ADGRG4: variants seen among roughly 807,000 people sequenced by gnomAD.
ADGRG4 encodes G protein-coupled receptor 112.
In ADGRG4, 122 loss-of-function variants were observed where a neutral mutation model predicts 126.2. That is an observed-to-expected ratio of 0.97 (90% CI 0.83 to 1.12). The LOEUF (loss-of-function observed/expected upper bound fraction) is 1.12. Ranked by LOEUF, ADGRG4 falls within the 50% of genes most tolerant of loss-of-function variation. The probability of loss-of-function intolerance (pLI) is 0.00; values close to 1 mark genes in which losing one functional copy is unlikely to be tolerated. For synonymous variants in ADGRG4, 943 were observed against 838.7 expected (o/e 1.12, Z -2.15); for missense variants, 2,481 against 2,251.8 (o/e 1.10, Z -2.06).
intron 8 of ADGRG4, among the ~76,000 whole-genome samples, chrX:136,354,590 G>A (rs376836966): frequency 2.7e-5 from 3 of 111,093 alleles, no homozygotes; most frequent in East Asian, 5.7e-4. Flanking sequence ...CTATTCTGGT[G>A]TTATCCTCTC....
In ADGRG4 at chrX:136,345,828, T is replaced by G; in HGVS notation, c.2122T>G (p.Ser708Ala). 8 of 1,210,420 alleles carry G rather than the reference T, an allele frequency of 6.6e-6. No individual in the cohort carries two copies. The highest frequency in any genetic ancestry group is 8.9e-6 in the Non-Finnish European group (8 of 894,576). Reference protein sequence around the residue: ...ATTNITPLKASPEGKGTTAND... With the variant: ...ATTNITPLKAAPEGKGTTAND... ...TACCAATATCACCCCACTGAAAGCA[T>G]CTCCAGAGGGCAAAGGTACCACTGC... Residue 708 changes from serine to alanine, a missense_variant, in exon 6 of 26, where the codon TCT (serine) becomes GCT (alanine). By Grantham distance (99) the Ser-to-Ala change is moderately conservative (BLOSUM62 1). Transcript: ENST00000394143.
At chrX:136,394,477 G>A (rs1428296669) in intron 18 of ADGRG4, among the ~76,000 whole-genome samples, 2 of 111,433 alleles carry the variant, frequency 1.8e-5, no homozygotes, top group Non-Finnish European at 3.8e-5. Context: ...CTTCCCATTC[G>A]GCTCCCTAGA....
chrX:136,405,551 G>A lies in ADGRG4; in HGVS notation c.8655-141G>A, dbSNP rs750854315. On this transcript the variant is annotated intron_variant, in intron 22 of 25. Transcript: ENST00000394143. ...TTTGTCCCAGCTCTGCCTCCAGTTG[G>A]TATGAGTGAACTCTGTCCAGTTCAT... The A allele has an allele frequency of 3.4e-5, 13 of 383,774 alleles. No homozygotes were observed. The Middle Eastern group carries it at 3.9e-3, about 114-fold the overall frequency. 31.6% of individuals were successfully genotyped at this position (383,774 alleles called of 1,213,427 possible). A position where few individuals can be genotyped will look rare whatever the true frequency, so the allele number is the denominator to read the frequency against.
Position 136,348,708 on chromosome X carries a change from G to A in ADGRG4, c.5002G>A (p.Val1668Met), listed in dbSNP as rs768396370. 25 of 1,207,752 alleles carry A rather than the reference G, an allele frequency of 2.1e-5. No individual in the cohort carries two copies. In the South Asian group the frequency reaches 4.2e-4, roughly 20 times the overall value. The stretch of plus-strand genomic sequence containing the variant: ...TCCCACCACCATTATGGCTGGGATA[G>A]TGACTCCATTTGTAGGCACCACTGC... Reference protein sequence around the residue: ...TVPTTIMAGIVTPFVGTTAFS... With the variant: ...TVPTTIMAGIMTPFVGTTAFS... The change falls in exon 6 of 26, where the codon GTG becomes ATG. Residue 1668 changes from valine to methionine, a missense_variant. By Grantham distance (21) the Val-to-Met change is conservative. Coordinates refer to ENST00000394143, the MANE Select transcript of ADGRG4 (RefSeq NM_153834.4).
Position 136,382,111 on chromosome X carries a change from C to T in ADGRG4, c.7777-5629C>T, listed in dbSNP as rs555281175. ...ACACTCAGTATTAACCATCACAAGT[C>T]CATCCCTTTTCAAGTTGAACCCATA... On this transcript the variant is annotated intron_variant, in intron 15 of 25. Transcript: ENST00000394143. Among the ~76,000 whole-genome samples the T allele has an allele frequency of 4.5e-5, 5 of 111,203 alleles. No homozygotes were observed. The South Asian group carries it at 1.9e-3, about 43-fold the overall frequency.
chrX:136,353,746 G>T lies in ADGRG4; in HGVS notation c.6887+345G>T, dbSNP rs148767588. On this transcript the variant is annotated intron_variant, in intron 8 of 25. Transcript: ENST00000394143. Reference sequence around the variant, plus strand: ...GTGCTATGTATGGACAATGCACGAGGATTTATAAGGCCTTTTATTTTGGAA... The same window carrying T: ...GTGCTATGTATGGACAATGCACGAGTATTTATAAGGCCTTTTATTTTGGAA... 9.3e-3 allele frequency among the ~76,000 whole-genome samples: 1,037 copies of T among 112,001 alleles called. 13 individuals carry two copies. The highest frequency in any genetic ancestry group is 0.032 in the African/African-American group (986 of 30,856).
At chrX:136,312,972 T>C (rs1007891226) in intron 4 of ADGRG4, among the ~76,000 whole-genome samples, 1 of 112,587 alleles carries the variant, frequency 8.9e-6, no homozygotes, top group Non-Finnish European at 1.9e-5. Context: ...CATCCATGTG[T>C]AGCATGCATC....
intron 4 of ADGRG4, 115 bp downstream of exon 4, chrX:136,308,962 C>A: frequency 4.2e-6 from 2 of 481,211 alleles, no homozygotes; most frequent in South Asian, 6.5e-5. Context: ...TCTTAATGGT[C>A]ACCTTTTGGT....
intron 15 of ADGRG4, among the ~76,000 whole-genome samples, chrX:136,383,231 T>C (rs2075273136): frequency 8.9e-6 from 1 of 111,909 alleles, no homozygotes; most frequent in Admixed American, 9.4e-5. Flanking sequence ...GTTCTCTAAT[T>C]GAGAAGGGTG....
At position 136,412,451 on chromosome X, in the gene ADGRG4, T is replaced by G. The variant is rs970589703; in HGVS notation, c.9037+85T>G. Reference sequence around the variant, plus strand: ...TAATTTGTCTCCTAACTTGAGTACTTACAGCATATCAGCATCAAAACACAG... The same window carrying G: ...TAATTTGTCTCCTAACTTGAGTACTGACAGCATATCAGCATCAAAACACAG... On this transcript the variant is annotated intron_variant, in intron 24 of 25. Transcript: ENST00000394143. 55 of 591,245 alleles carry G rather than the reference T, an allele frequency of 9.3e-5. 1 individual carries two copies. In the South Asian group the frequency reaches 1.4e-3, roughly 15 times the overall value. The allele number at this position is 591,245 out of a possible 1,213,427, so 48.7% of individuals were successfully genotyped here.
chrX:136,376,627 GGTATTGTATT>G (rs138629547), intron 15 of ADGRG4, among the ~76,000 whole-genome samples: 18,419 of 85,388 alleles, frequency 0.22, 1,842 homozygotes, highest in African/African-American at 0.27. Context: ...TATATTCCTG[GGTATTGTATT>G]GTATTGTATT....
chrX:136,345,868 C>T lies in ADGRG4; in HGVS notation c.2162C>T (p.Thr721Ile). The change falls in exon 6 of 26, where the codon ACA becomes ATA. Residue 721 changes from threonine (T) to isoleucine (I), a missense_variant. Physicochemically the swap from Thr to Ile is moderately conservative, Grantham distance 89. Coordinates refer to ENST00000394143, the MANE Select transcript of ADGRG4 (RefSeq NM_153834.4). ...GGTACCACTGCCAATGATGCTACTA[C>T]AGCCAGATATACAACAGCTGTATCC... is the stretch of plus-strand genomic sequence containing the variant. ...GKGTTANDATTARYTTAVSKL... is the reference protein window; with the variant it reads ...GKGTTANDATIARYTTAVSKL... The T allele has an allele frequency of 8.3e-7, 1 of 1,210,901 alleles. No individual in the cohort carries two copies. Among genetic ancestry groups the T allele is most frequent in the Non-Finnish European group, 1.1e-6 (1 of 894,703 alleles).
chrX:136,313,950 T>A (rs763512711), intron 4 of ADGRG4, among the ~76,000 whole-genome samples: 2 of 111,502 alleles, frequency 1.8e-5, no homozygotes, highest in African/African-American at 6.5e-5. Flanking sequence ...AAATGGCTTC[T>A]CTGCACACAC....
intron 23 of ADGRG4, among the ~76,000 whole-genome samples, chrX:136,410,760 A>G (rs188950845): frequency 8.9e-6 from 1 of 112,086 alleles, no homozygotes; most frequent in African/African-American, 3.2e-5. Context: ...GCAAAATGAC[A>G]TAAATATGAA....
At chrX:136,370,511 G>T (rs1398341330) in intron 13 of ADGRG4, among the ~76,000 whole-genome samples, 1 of 112,115 alleles carries the variant, frequency 8.9e-6, no homozygotes, top group Non-Finnish European at 1.9e-5. Flanking sequence ...TGATGATTTT[G>T]AATATTATTG....
In ADGRG4 at chrX:136,348,127, A is replaced by G. The variant is rs1259065569; in HGVS notation, c.4421A>G (p.Tyr1474Cys). 4 of 1,208,861 alleles carry G rather than the reference A, an allele frequency of 3.3e-6. No individual in the cohort carries two copies. Among genetic ancestry groups the G allele is most frequent in the Non-Finnish European group, 4.5e-6 (4 of 894,244 alleles). Residue 1474 changes from tyrosine to cysteine, a missense_variant, in exon 6 of 26, where the codon TAT becomes TGT. Physicochemically the swap from Tyr to Cys is radical, Grantham distance 194. Transcript: ENST00000394143. ...ESLSLSTAGLYNDGFTVLSDR... is the reference protein window; with the variant it reads ...ESLSLSTAGLCNDGFTVLSDR... ...TTGTCTCTTTCCACAGCTGGACTAT[A>G]TAATGACGGTTTTACAGTTCTCTCC... is the stretch of plus-strand genomic sequence containing the variant.
chrX:136,347,862 C>G lies in ADGRG4; in HGVS notation c.4156C>G (p.Leu1386Val). 8.3e-7 allele frequency: 1 copy of G among 1,209,969 alleles called. No individual in the cohort carries two copies. Among genetic ancestry groups the G allele is most frequent in the South Asian group, 1.8e-5 (1 of 56,924 alleles). Residue 1386 changes from leucine (L) to valine (V), a missense_variant, in exon 6 of 26, where the codon CTT becomes GTT. Physicochemically the swap from Leu to Val is conservative, Grantham distance 32. Coordinates refer to ENST00000394143, the MANE Select transcript of ADGRG4 (RefSeq NM_153834.4). ...LCPEKESTSALPAYTPRTVEM... is the reference protein window; with the variant it reads ...LCPEKESTSAVPAYTPRTVEM... ...TCCTGAAAAGGAAAGCACGAGTGCC[C>G]TTCCAGCATATACTCCCAGGACTGT...
chrX:136,326,122 A>T (rs1052862618), intron 5 of ADGRG4, among the ~76,000 whole-genome samples: 2 of 112,350 alleles, frequency 1.8e-5, no homozygotes, highest in Non-Finnish European at 3.8e-5. Flanking sequence ...CAAACAAACA[A>T]AAAAAGGTAG....
In ADGRG4 at chrX:136,344,769, A is replaced by G; in HGVS notation, c.1063A>G (p.Lys355Glu). The stretch of plus-strand genomic sequence containing the variant: ...ATCTTCAGAAAGCACAAAGACAACA[A>G]AAATGGTTGAAGCCATGGCTACTGA... Reference protein sequence around the residue: ...SPSSESTKTTKMVEAMATEIF... With the variant: ...SPSSESTKTTEMVEAMATEIF... Residue 355 changes from lysine (K) to glutamate (E), a missense_variant, in exon 6 of 26, where the codon AAA (lysine) becomes GAA (glutamate). Coordinates refer to ENST00000394143, the MANE Select transcript of ADGRG4 (RefSeq NM_153834.4). The G allele has an allele frequency of 8.3e-7, 1 of 1,210,154 alleles. No individual in the cohort carries two copies. Among genetic ancestry groups the G allele is most frequent in the Non-Finnish European group, 1.1e-6 (1 of 894,574 alleles).
Sources: allele counts gnomAD v4.1 joint callset (sites outside exome capture counted in the v4.1 genomes callset), GRCh38; gene constraint gnomAD v4.1.1; transcripts MANE v1.5; gene names NCBI Gene and HGNC (gene_info 2026-07-23, HGNC 2026-07-21).